LCLAT1: variants seen among roughly 807,000 people sequenced by gnomAD.
LCLAT1 encodes 1-AGP acyltransferase 8.
LCLAT1 carries 11 observed loss-of-function variants against 30.7 expected under a neutral mutation model. That is an observed-to-expected ratio of 0.36 (90% CI 0.23 to 0.59). The LOEUF is 0.59. LCLAT1 is among the 20% of genes least tolerant of loss of function. The pLI is 0.77. For missense variants in LCLAT1, 402 were observed against 458.6 expected (o/e 0.88, Z 1.13); for synonymous variants, 155 against 151.3 (o/e 1.02, Z -0.18).
chr2:30,591,926 A>C (rs574685780), intron 5 of LCLAT1, among the ~76,000 whole-genome samples: 1 of 152,170 alleles, frequency 6.6e-6, no homozygotes, highest in East Asian at 1.9e-4. Context: ...GAATGTTCCT[A>C]TATCTTCTAC....
At chr2:30,465,340 A>G (rs1159554151) in intron 1 of LCLAT1, among the ~76,000 whole-genome samples, 1 of 152,170 alleles carries the variant, frequency 6.6e-6, no homozygotes, top group African/African-American at 2.4e-5. Context: ...CAGCTGGAAT[A>G]AGCAAGGAAC....
intron 3 of LCLAT1, among the ~76,000 whole-genome samples, chr2:30,549,978 T>C (rs1349573269): frequency 1.3e-5 from 2 of 152,152 alleles, no homozygotes; most frequent in Non-Finnish European, 2.9e-5. Context: ...ATGAAAATAA[T>C]GTCAAAACTA....
intron 5 of LCLAT1, among the ~76,000 whole-genome samples, chr2:30,600,585 A>G (rs1221964699): frequency 6.7e-6 from 1 of 149,870 alleles, no homozygotes; most frequent in African/African-American, 2.5e-5. Flanking sequence ...TTGGGTTGGA[A>G]ATTCTTTTCT....
chr2:30,486,036 T>C (rs114074833), intron 1 of LCLAT1, among the ~76,000 whole-genome samples: 190 of 152,344 alleles, frequency 1.2e-3, no homozygotes, highest in African/African-American at 4.0e-3. Context: ...GTTTTGTATA[T>C]TTAAACCCTT....
intron 3 of LCLAT1, among the ~76,000 whole-genome samples, chr2:30,542,588 C>G (rs1312024981): frequency 2.0e-5 from 3 of 151,828 alleles, no homozygotes; most frequent in Non-Finnish European, 4.4e-5. Context: ...AGTATTTTTC[C>G]TCTCCATTAA....
chr2:30,468,150 C>A (rs1329275073), intron 1 of LCLAT1, among the ~76,000 whole-genome samples: 3 of 152,194 alleles, frequency 2.0e-5, no homozygotes, highest in African/African-American at 7.2e-5. Flanking sequence ...TTTCAGCTTT[C>A]TACATATGGC....
At chr2:30,458,614 A>G (rs1435700396) in intron 1 of LCLAT1, among the ~76,000 whole-genome samples, 1 of 152,172 alleles carries the variant, frequency 6.6e-6, no homozygotes, top group Non-Finnish European at 1.5e-5. Context: ...TTATTGTTTT[A>G]CTTAAGTGTT....
chr2:30,581,221 C>T (rs1271353284), intron 5 of LCLAT1, among the ~76,000 whole-genome samples: 1 of 152,168 alleles, frequency 6.6e-6, no homozygotes, highest in Non-Finnish European at 1.5e-5. Context: ...GGTGACTTGA[C>T]ATGCCTCACA....
At chr2:30,611,597 C>A (rs1667742919) in intron 5 of LCLAT1, among the ~76,000 whole-genome samples, 1 of 152,050 alleles carries the variant, frequency 6.6e-6, no homozygotes, top group African/African-American at 2.4e-5. Context: ...ATGGTAGGAC[C>A]CTGAGTCAGT....
At chr2:30,559,058 C>T (rs760699210) in intron 3 of LCLAT1, among the ~76,000 whole-genome samples, 2 of 152,152 alleles carry the variant, frequency 1.3e-5, no homozygotes, top group Non-Finnish European at 2.9e-5. Flanking sequence ...TGCCACACAA[C>T]ATGGATGAAT....
At chr2:30,486,867 C>T (rs1683584433) in intron 1 of LCLAT1, among the ~76,000 whole-genome samples, 1 of 152,152 alleles carries the variant, frequency 6.6e-6, no homozygotes, top group African/African-American at 2.4e-5. Flanking sequence ...GAGCCTTCCT[C>T]CTCCACCCTA....
chr2:30,471,842 A>G lies in LCLAT1; in HGVS notation c.-5+24459A>G, dbSNP rs117654199. Among the ~76,000 whole-genome samples the G allele has an allele frequency of 1.9e-3, 294 of 152,170 alleles. 2 individuals carry two copies. The East Asian group carries it at 0.029, about 15-fold the overall frequency. Reference sequence around the variant, plus strand: ...GTGCAGATTCTTCCTTCTGATTTGGATGAATTTTATTTATTTTTCTTGCCT... The same window carrying G: ...GTGCAGATTCTTCCTTCTGATTTGGGTGAATTTTATTTATTTTTCTTGCCT... On this transcript the variant is annotated intron_variant, in intron 1 of 5. Coordinates refer to ENST00000379509, the MANE Select transcript of LCLAT1 (RefSeq NM_001002257.3).
intron 1 of LCLAT1, among the ~76,000 whole-genome samples, chr2:30,520,223 C>G (rs1471309445): frequency 6.6e-6 from 1 of 152,150 alleles, no homozygotes; most frequent in African/African-American, 2.4e-5. Flanking sequence ...AGCGGCCCAC[C>G]ACCATCTTGG....
At chr2:30,621,709 G>A (rs1668259126) in intron 5 of LCLAT1, among the ~76,000 whole-genome samples, 1 of 152,120 alleles carries the variant, frequency 6.6e-6, no homozygotes, top group South Asian at 2.1e-4. Flanking sequence ...AGAGAGCCAA[G>A]CAAAATACAG....
At chr2:30,525,115 C>T in intron 1 of LCLAT1, among the ~76,000 whole-genome samples, 1 of 151,200 alleles carries the variant, frequency 6.6e-6, no homozygotes, top group Non-Finnish European at 1.5e-5. Context: ...GTATCAGTTT[C>T]TTTTTTTTTG....
At chr2:30,568,298 G>A in intron 5 of LCLAT1, 122 bp downstream of exon 5, 2 of 537,164 alleles carry the variant, frequency 3.7e-6, no homozygotes, top group South Asian at 6.3e-5. Flanking sequence ...ATGAGATATT[G>A]TATTTTTATT....
At chr2:30,577,329 G>C (rs988068996) in intron 5 of LCLAT1, among the ~76,000 whole-genome samples, 1 of 152,006 alleles carries the variant, frequency 6.6e-6, no homozygotes, top group Non-Finnish European at 1.5e-5. Flanking sequence ...ATGAAGTTAT[G>C]TAGGAGAGTA....
intron 1 of LCLAT1, chr2:30,476,314 T>G: frequency 2.2e-6 from 1 of 449,890 alleles, no homozygotes; most frequent in South Asian, 1.6e-5. Context: ...ACACAGTAAG[T>G]GTTGGAACCA....
chr2:30,463,974 T>A (rs1682297382), intron 1 of LCLAT1, among the ~76,000 whole-genome samples: 1 of 152,236 alleles, frequency 6.6e-6, no homozygotes, highest in Non-Finnish European at 1.5e-5. Context: ...TTTTGTAGGA[T>A]AGATTAGAAT....
Sources: allele counts gnomAD v4.1 joint callset (sites outside exome capture counted in the v4.1 genomes callset), GRCh38; gene constraint gnomAD v4.1.1; transcripts MANE v1.5; gene names NCBI Gene and HGNC (gene_info 2026-07-23, HGNC 2026-07-21).